SYNDIG1: variants seen among roughly 807,000 people sequenced by gnomAD.
The protein encoded by SYNDIG1 is synapse differentiation inducing 1.
Under a neutral mutation model 19.4 loss-of-function variants are expected in SYNDIG1, and 9 were observed. The ratio of observed to expected loss-of-function variants is 0.46; its 90% CI spans 0.28 to 0.81. The LOEUF is 0.81. Among genes scored for constraint, SYNDIG1 ranks in the 30% least tolerant of loss-of-function variants. The pLI is 0.12. For missense variants in SYNDIG1, 311 were observed against 343.3 expected, an observed-to-expected ratio of 0.91 and a Z score of 0.74; for synonymous variants, 141 against 145.9, an observed-to-expected ratio of 0.97 and a Z score of 0.24.
At chr20:24,559,220 T>C (rs2057887021) in intron 2 of SYNDIG1, among the ~76,000 whole-genome samples, 1 of 152,182 alleles carries the variant, frequency 6.6e-6, no homozygotes, top group African/African-American at 2.4e-5. Flanking sequence ...GGCTGTTATC[T>C]TGAATGAAAC....
chr20:24,645,209 G>A (rs2059411970), intron 3 of SYNDIG1, among the ~76,000 whole-genome samples: 1 of 152,182 alleles, frequency 6.6e-6, no homozygotes, highest in Non-Finnish European at 1.5e-5. Context: ...CCTCCTGTTG[G>A]AATGAGGAAG....
chr20:24,506,450 C>G (rs2056593755), intron 1 of SYNDIG1, among the ~76,000 whole-genome samples: 1 of 152,218 alleles, frequency 6.6e-6, no homozygotes, highest in African/African-American at 2.4e-5. Context: ...TGGCCACAGT[C>G]CCCCTGGTGC....
chr20:24,639,630 A>T (rs542296231), intron 3 of SYNDIG1, among the ~76,000 whole-genome samples: 1 of 152,154 alleles, frequency 6.6e-6, no homozygotes, highest in African/African-American at 2.4e-5. Flanking sequence ...TGCGGTATCA[A>T]TGTGGTTTAT....
At chr20:24,564,739 G>C (rs1038637452) in intron 2 of SYNDIG1, among the ~76,000 whole-genome samples, 2 of 151,968 alleles carry the variant, frequency 1.3e-5, no homozygotes, top group African/African-American at 4.8e-5. Flanking sequence ...AAAGAGGTGA[G>C]AAGGAGGCCC....
chr20:24,490,754 C>T (rs574223899), intron 1 of SYNDIG1, among the ~76,000 whole-genome samples: 12 of 152,278 alleles, frequency 7.9e-5, no homozygotes, highest in South Asian at 2.1e-4. Context: ...ATGGGCTGAT[C>T]GGGGCCCTTC....
chr20:24,640,554 C>T (rs2059366476), intron 3 of SYNDIG1, among the ~76,000 whole-genome samples: 1 of 149,870 alleles, frequency 6.7e-6, no homozygotes, highest in Non-Finnish European at 1.5e-5. Context: ...ATAATTAAAG[C>T]GTTAGATTTC....
chr20:24,562,929 G>A (rs2057973832), intron 2 of SYNDIG1, among the ~76,000 whole-genome samples: 1 of 136,564 alleles, frequency 7.3e-6, no homozygotes, highest in Non-Finnish European at 1.5e-5. Context: ...TCTGACACAA[G>A]TAATTGTGAC....
intron 1 of SYNDIG1, among the ~76,000 whole-genome samples, chr20:24,496,914 G>A (rs1010460780): frequency 6.6e-6 from 1 of 151,934 alleles, no homozygotes; most frequent in African/African-American, 2.4e-5. Flanking sequence ...CAATTTCTAT[G>A]CCTTCCCCCT....
rs1001775425 is a variant in SYNDIG1, at chr20:24,665,736, A to G, written c.*232A>G. The G allele has an allele frequency of 3.7e-6, 2 of 541,894 alleles. No individual in the cohort carries two copies. The highest frequency in any genetic ancestry group is 3.0e-5 in the South Asian group (1 of 32,880). 33.6% of individuals were successfully genotyped at this position (541,894 alleles called of 1,614,324 possible). A position where few individuals can be genotyped will look rare whatever the true frequency, so the allele number is the denominator to read the frequency against. ...CTAATCCTTCCAAAGGAAAGCTCCA[A>G]AGATCCCAGCCCGCAAGGCTGTCTC... On this transcript the variant is annotated 3_prime_UTR_variant, in exon 4 of 4. Coordinates refer to ENST00000376862, the MANE Select transcript of SYNDIG1 (RefSeq NM_024893.3).
chr20:24,539,033 T>C (rs1200076527), intron 1 of SYNDIG1, among the ~76,000 whole-genome samples: 1 of 152,228 alleles, frequency 6.6e-6, no homozygotes, highest in Non-Finnish European at 1.5e-5. Context: ...GCAAATGTTT[T>C]CTCCCATTCT....
chr20:24,598,726 AT>A (rs2058634183), intron 3 of SYNDIG1, among the ~76,000 whole-genome samples: 1 of 152,190 alleles, frequency 6.6e-6, no homozygotes, highest in African/African-American at 2.4e-5. Context: ...CCATGGAAAC[AT>A]TTTTTAATTA....
chr20:24,531,573 A>AT (rs1225497555), intron 1 of SYNDIG1, among the ~76,000 whole-genome samples: 4 of 151,924 alleles, frequency 2.6e-5, no homozygotes, highest in Non-Finnish European at 4.4e-5. Context: ...CATTCACTGG[A>AT]TTTTTTCTAG....
chr20:24,489,124 CT>C (rs1398013009), intron 1 of SYNDIG1, among the ~76,000 whole-genome samples: 11 of 152,278 alleles, frequency 7.2e-5, no homozygotes, highest in Admixed American at 3.9e-4. Flanking sequence ...TGGAGGCCAC[CT>C]TCCCATCTGT....
At chr20:24,494,166 C>G (rs1325568092) in intron 1 of SYNDIG1, among the ~76,000 whole-genome samples, 2 of 152,160 alleles carry the variant, frequency 1.3e-5, no homozygotes, top group African/African-American at 4.8e-5. Flanking sequence ...GGGCGGCGCG[C>G]ATGGCCGAGG....
At chr20:24,558,535 G>A (rs889395345) in intron 2 of SYNDIG1, among the ~76,000 whole-genome samples, 7 of 152,138 alleles carry the variant, frequency 4.6e-5, no homozygotes, top group Admixed American at 2.6e-4. Flanking sequence ...CCATAATTTC[G>A]ATGATTGGAA....
chr20:24,643,944 C>G (rs554983130), intron 3 of SYNDIG1, among the ~76,000 whole-genome samples: 1 of 152,334 alleles, frequency 6.6e-6, no homozygotes, highest in East Asian at 1.9e-4. Flanking sequence ...ACAGACACAT[C>G]ATCAAAAAGA....
At chr20:24,580,036 C>T (rs1394613817) in intron 2 of SYNDIG1, among the ~76,000 whole-genome samples, 2 of 152,154 alleles carry the variant, frequency 1.3e-5, no homozygotes, top group African/African-American at 2.4e-5. Flanking sequence ...GAATGGGCGG[C>T]CCTGGAGGGC....
At chr20:24,489,277 C>CACGGGG (rs1555784619) in intron 1 of SYNDIG1, among the ~76,000 whole-genome samples, 1 of 151,938 alleles carries the variant, frequency 6.6e-6, no homozygotes, top group African/African-American at 2.4e-5. Flanking sequence ...CACACGTGCT[C>CACGGGG]ACAGGGACAG....
In SYNDIG1 at chr20:24,614,613, G is replaced by A. The variant is rs577183399; in HGVS notation, c.618+29620G>A. On this transcript the variant is annotated intron_variant, in intron 3 of 3. Transcript: ENST00000376862. ...AGACTAGGAAAATCAAAAGAAGGAA[G>A]GAAGGGAGGGAGGGAGGGAAGGGGA... Among the ~76,000 whole-genome samples the A allele has an allele frequency of 1.3e-4, 19 of 145,622 alleles. 1 individual carries two copies. Among genetic ancestry groups the A allele is most frequent in the South Asian group, 9.6e-4 (4 of 4,180 alleles).
Sources: gnomAD v4.1 joint callset for allele counts (sites outside exome capture counted in the v4.1 genomes callset) on GRCh38, gnomAD v4.1.1 for gene constraint, MANE v1.5 for transcripts, NCBI Gene and HGNC (gene_info 2026-07-23, HGNC 2026-07-21) for gene names.